The following KDM4B variants were observed in gnomAD, a reference collection of about 807,000 sequenced individuals.
KDM4B encodes the protein lysine-specific demethylase 4B.
Under a neutral mutation model 125.2 loss-of-function variants are expected in KDM4B, and 32 were observed. The ratio of observed to expected loss-of-function variants is 0.26; its 90% CI spans 0.19 to 0.34. The LOEUF (loss-of-function observed/expected upper bound fraction) is 0.34, where lower values mean the gene tolerates loss of function less well. Among genes scored for constraint, KDM4B ranks in the 10% least tolerant of loss-of-function variants. The probability of loss-of-function intolerance (pLI) is 1.00; values close to 1 mark genes in which losing one functional copy is unlikely to be tolerated. For missense variants in KDM4B, 1,190 were observed against 1,577.7 expected (o/e 0.75, Z 4.16); for synonymous variants, 721 against 677.9 (o/e 1.06, Z -0.99).
intron 12 of KDM4B, 80 bp from the exon 13 acceptor site, chr19:5,131,807 C>G (rs555255062): frequency 1.1e-5 from 18 of 1,575,018 alleles, no homozygotes; most frequent in Admixed American, 3.5e-5. Context: ...TCAGGCACGC[C>G]GAGCCCCTGT....
At chr19:4,995,994 CTCTT>C (rs930946625) in intron 1 of KDM4B, among the ~76,000 whole-genome samples, 1 of 152,076 alleles carries the variant, frequency 6.6e-6, no homozygotes, top group Non-Finnish European at 1.5e-5. Context: ...TTTTCTCTCT[CTCTT>C]TCTTTCTTTT....
At chr19:4,994,067 A>T (rs1236245960) in intron 1 of KDM4B, among the ~76,000 whole-genome samples, 3 of 81,950 alleles carry the variant, frequency 3.7e-5, no homozygotes, top group Admixed American at 1.6e-4. Context: ...GTCTTTTTTG[A>T]GACAGGGTTT....
chr19:5,133,950 G>T lies in KDM4B; in HGVS notation c.1974G>T (p.Leu658=). 1 of 1,613,080 alleles carries T rather than the reference G, an allele frequency of 6.2e-7. No individual in the cohort carries two copies. The highest frequency in any genetic ancestry group is 8.5e-7 in the Non-Finnish European group (1 of 1,179,946). Residue 658 remains leucine, a synonymous_variant, in exon 14 of 23, where the codon CTG becomes CTT. Coordinates refer to ENST00000159111, the MANE Select transcript of KDM4B (RefSeq NM_015015.3). ...ACGCCTTGAGGCCGCTGCTGTCTCT[G>T]CAGTGGAAGAACAGGGCGGCCAGCT... ...DPDALRPLLS[L]QWKNRAASFQ...
At position 5,086,178 on chromosome 19, in the gene KDM4B, C is replaced by T. The variant is rs1023881844; in HGVS notation, c.918+3674C>T. ...TTGTTGGCTGTTCACCTTCCTTGACCGCTAGGGACCCCTGCCCCCCCCCAC... is the reference window on the plus strand; with the variant it reads ...TTGTTGGCTGTTCACCTTCCTTGACTGCTAGGGACCCCTGCCCCCCCCCAC... On this transcript the variant is annotated intron_variant, in intron 9 of 22. Coordinates refer to ENST00000159111, the MANE Select transcript of KDM4B (RefSeq NM_015015.3). Among the ~76,000 whole-genome samples the T allele has an allele frequency of 3.4e-4, 52 of 152,244 alleles. 1 individual carries two copies. Among genetic ancestry groups the T allele is most frequent in the African/African-American group, 9.6e-5 (4 of 41,552 alleles).
In KDM4B at chr19:5,114,284, G is replaced by T; in HGVS notation, c.1115+3466G>T. ...ACCACAGCCTCCCTGGCCCACTGCT[G>T]CTCTGTGAGCCCGGCTGGGCCCAGG... On this transcript the variant is annotated intron_variant, in intron 10 of 22. Transcript: ENST00000159111. The surrounding 1 kb of genome is among the most constrained non-coding windows in gnomAD (Gnocchi z 5.8). 8.1e-7 allele frequency: 1 copy of T among 1,238,788 alleles called. No homozygotes were observed. The highest frequency in any genetic ancestry group is 1.2e-5 in the South Asian group (1 of 80,032). 76.7% of individuals were successfully genotyped at this position (1,238,788 alleles called of 1,614,324 possible).
chr19:5,074,578 C>G (rs939572579), intron 7 of KDM4B: 3 of 152,260 alleles, frequency 2.0e-5, no homozygotes, highest in Non-Finnish European at 4.4e-5. Flanking sequence ...AAAAGAGGAA[C>G]TGCGGAGAGG....
At chr19:5,126,088 A>T (rs2039444392) in intron 11 of KDM4B, among the ~76,000 whole-genome samples, 2 of 152,156 alleles carry the variant, frequency 1.3e-5, no homozygotes, top group South Asian at 4.1e-4. Flanking sequence ...AGGGCCTAGC[A>T]GTGGGGTGTG....
Position 5,128,155 on chromosome 19 carries a change from C to T in KDM4B, c.1316-2921C>T, listed in dbSNP as rs2039481143. 2.0e-5 allele frequency among the ~76,000 whole-genome samples: 3 copies of T among 151,696 alleles called. No individual in the cohort carries two copies. The South Asian group carries it at 6.3e-4, about 32-fold the overall frequency. On this transcript the variant is annotated intron_variant, in intron 11 of 22. Coordinates refer to ENST00000159111, the MANE Select transcript of KDM4B (RefSeq NM_015015.3). ...TCTGTGTCCCTGGCCCCCACAGCCC[C>T]GGCTGGAGTCCCCTGTGTGCGGAGC...
rs552986712 is a variant in KDM4B, at chr19:5,144,665, C to A, written c.2902-118C>A. The A allele has an allele frequency of 9.0e-6, 13 of 1,446,984 alleles. No homozygotes were observed. In the African/African-American group the frequency reaches 1.7e-4, roughly 19 times the overall value. 89.6% of individuals were successfully genotyped at this position (1,446,984 alleles called of 1,614,324 possible). On this transcript the variant is annotated intron_variant, in intron 20 of 22. Transcript: ENST00000159111. ...CCCCGCTACCCCGGGCCCCCGCAGC[C>A]AGCTTTGGGGCTTCAGGCAGAGAAC...
chr19:5,119,724 C>T lies in KDM4B; in HGVS notation c.1187C>T (p.Ala396Val). 1 of 1,551,460 alleles carries T rather than the reference C, an allele frequency of 6.4e-7. No individual in the cohort carries two copies. The highest frequency in any genetic ancestry group is 8.7e-7 in the Non-Finnish European group (1 of 1,147,390). The change falls in exon 11 of 23, where the codon GCT becomes GTT. Residue 396 changes from alanine to valine, a missense_variant. Physicochemically the swap from Ala to Val is moderately conservative, Grantham distance 64. Around this residue, in one of 7 missense-constraint regions of KDM4B, gnomAD observed 428 missense variants for 405.1 expected, o/e 1.06. Transcript: ENST00000159111. ...EDPKFPGEGT[A>V]GAALLEEAGG... ...CCCAAGTTCCCTGGGGAGGGTACGG[C>T]TGGGGCAGCGCTCCTAGAGGAGGCT...
intron 9 of KDM4B, among the ~76,000 whole-genome samples, chr19:5,087,840 G>A (rs956650851): frequency 6.6e-6 from 1 of 152,196 alleles, no homozygotes; most frequent in African/African-American, 2.4e-5. Flanking sequence ...CTCCCACCTT[G>A]AGGATGGACC....
chr19:5,063,353 C>T (rs2037665215), intron 6 of KDM4B, among the ~76,000 whole-genome samples: 1 of 152,160 alleles, frequency 6.6e-6, no homozygotes, highest in Non-Finnish European at 1.5e-5. Flanking sequence ...CCCATTTGTT[C>T]ATTTATTCAT....
intron 8 of KDM4B, chr19:5,077,718 C>G: frequency 2.1e-6 from 1 of 481,838 alleles, no homozygotes; most frequent in Non-Finnish European, 3.7e-6. Context: ...CCAAAACTTC[C>G]TCCTGGGTGT....
intron 7 of KDM4B, chr19:5,075,062 C>T (rs1259902852): frequency 6.6e-6 from 1 of 152,426 alleles, no homozygotes; most frequent in Non-Finnish European, 1.5e-5. Flanking sequence ...GGGAGCAGGT[C>T]CTAGTCTCCG....
At chr19:5,106,197 G>A (rs903325434) in intron 9 of KDM4B, among the ~76,000 whole-genome samples, 4 of 152,196 alleles carry the variant, frequency 2.6e-5, no homozygotes, top group African/African-American at 9.7e-5. Context: ...TCCCTGTTGT[G>A]TGTCGTTTAT....
chr19:5,087,907 G>A (rs78785165), intron 9 of KDM4B, among the ~76,000 whole-genome samples: 2,195 of 152,324 alleles, frequency 0.014, 47 homozygotes, highest in African/African-American at 0.05. Flanking sequence ...CGGGGGCTGG[G>A]CTGTTCGGAG....
At chr19:5,117,314 T>C (rs1209573016) in intron 10 of KDM4B, among the ~76,000 whole-genome samples, 1 of 148,464 alleles carries the variant, frequency 6.7e-6, no homozygotes, top group African/African-American at 2.5e-5. Flanking sequence ...TAGGGTGAGT[T>C]TTCAGGGTGG....
chr19:5,082,675 C>G lies in KDM4B; in HGVS notation c.918+171C>G, dbSNP rs1241777250. On this transcript the variant is annotated intron_variant, in intron 9 of 22. Coordinates refer to ENST00000159111, the MANE Select transcript of KDM4B (RefSeq NM_015015.3). The surrounding 1 kb of genome is among the most constrained non-coding windows in gnomAD (Gnocchi z 5.4). Reference sequence around the variant, plus strand: ...CCTCAGAGAGCTTTTGCCCAGAACGCTCCTTACCTCGAAGACTGGAGAGGA... The same window carrying G: ...CCTCAGAGAGCTTTTGCCCAGAACGGTCCTTACCTCGAAGACTGGAGAGGA... Among the ~76,000 whole-genome samples the G allele has an allele frequency of 6.6e-6, 1 of 152,220 alleles. No homozygotes were observed. Among genetic ancestry groups the G allele is most frequent in the African/African-American group, 2.4e-5 (1 of 41,466 alleles).
rs369926207 is a variant in KDM4B, at chr19:5,144,300, G to A, written c.2789G>A (p.Arg930His). The stretch of plus-strand genomic sequence containing the variant: ...GGCCAGGTGGTCATCACCAAGAACC[G>A]CAACGGGCTGTACTACCGCTGTCGC... ...SLGQVVITKN[R>H]NGLYYRCRVI... Residue 930 changes from arginine to histidine, a missense_variant, in exon 20 of 23, where the codon CGC becomes CAC. Coordinates refer to ENST00000159111, the MANE Select transcript of KDM4B (RefSeq NM_015015.3). The A allele has an allele frequency of 3.9e-5, 62 of 1,591,822 alleles. No individual in the cohort carries two copies. The highest frequency in any genetic ancestry group is 5.2e-5 in the Non-Finnish European group (61 of 1,169,784).
Sources: gnomAD v4.1 joint callset for allele counts (sites outside exome capture counted in the v4.1 genomes callset) on GRCh38, gnomAD v4.1.1 for gene constraint, gnomAD v4.1.1 regional missense constraint, Gnocchi (gnomAD v3.1) non-coding constraint, MANE v1.5 for transcripts, NCBI Gene and HGNC (gene_info 2026-07-23, HGNC 2026-07-21) for gene names.